NCR1: variants seen among roughly 807,000 people sequenced by gnomAD.
The protein encoded by NCR1 is NK cell-activating receptor.
A neutral mutation model predicts 32.5 loss-of-function variants in NCR1; 30 were observed. That is an observed-to-expected ratio of 0.92 (90% CI 0.69 to 1.25). NCR1 has a LOEUF of 1.25. Among genes scored for constraint, NCR1 ranks in the 50% most tolerant of loss-of-function variants. The pLI, the probability that NCR1 is intolerant of heterozygous loss-of-function variation, is 0.00. For synonymous variants in NCR1, 169 were observed against 143.4 expected, an observed-to-expected ratio of 1.18 and a Z score of -1.28; for missense variants, 369 against 380.7, an observed-to-expected ratio of 0.97 and a Z score of 0.26.
the NCR1 span, among the ~76,000 whole-genome samples, chr19:54,923,173 C>T: frequency 1.1e-3 from 173 of 152,308 alleles, no homozygotes; most frequent in Admixed American, 4.8e-3. Context: ...TCCGCAGGTG[C>T]CAGCCAGGCC....
chr19:54,908,690 C>T (rs1332292876), intron 3 of NCR1, among the ~76,000 whole-genome samples: 8 of 144,618 alleles, frequency 5.5e-5, no homozygotes, highest in African/African-American at 1.3e-4. Flanking sequence ...CGCTGCAGTG[C>T]AGTGGTACAA....
chr19:54,908,389 T>C (rs1283196514), intron 3 of NCR1, among the ~76,000 whole-genome samples: 1 of 152,102 alleles, frequency 6.6e-6, no homozygotes, highest in East Asian at 1.9e-4. Flanking sequence ...TCTACTTCTT[T>C]CTACACAGAC....
chr19:54,934,702 G>A, the NCR1 span: 114 of 1,513,920 alleles, frequency 7.5e-5, no homozygotes, highest in Non-Finnish European at 1.0e-4. The surrounding 1 kb of genome is among the most constrained non-coding windows in gnomAD (Gnocchi z 6.7). Flanking sequence ...GGAGGACAGA[G>A]TATACCCTAT....
chr19:54,929,457 T>C, the NCR1 span, among the ~76,000 whole-genome samples: 1 of 152,192 alleles, frequency 6.6e-6, no homozygotes, highest in South Asian at 2.1e-4. Context: ...CTCTTTGCAT[T>C]AGGATTGCAG....
downstream of NCR1, among the ~76,000 whole-genome samples, chr19:54,919,714 ACCCC>A (rs58529355): frequency 4.0e-5 from 4 of 100,016 alleles, no homozygotes; most frequent in Admixed American, 4.6e-4. Flanking sequence ...GGAAAGGGAG[ACCCC>A]CCCCCCCACC....
At chr19:54,903,297 T>C (rs587703750), upstream of NCR1, among the ~76,000 whole-genome samples, 2 of 145,146 alleles carry the variant, frequency 1.4e-5, no homozygotes, top group East Asian at 4.0e-4. Flanking sequence ...TATATACACA[T>C]ATACGTATAT....
chr19:54,936,340 G>A, the NCR1 span: 8 of 1,613,920 alleles, frequency 5.0e-6, no homozygotes, highest in Non-Finnish European at 6.8e-6. Context: ...CACTCGATGT[G>A]CCCTGCCAGG....
At chr19:54,911,860 G>A (rs2067992764) in intron 5 of NCR1, among the ~76,000 whole-genome samples, 1 of 151,986 alleles carries the variant, frequency 6.6e-6, no homozygotes, top group Admixed American at 6.6e-5. Flanking sequence ...CTGGGTATGT[G>A]GTGTGTGCCT....
At chr19:54,923,524 CTAACTT>C in the NCR1 span, 1 of 617,464 alleles carries the variant, frequency 1.6e-6, no homozygotes, top group Non-Finnish European at 2.9e-6. Context: ...CGAGAGTGCT[CTAACTT>C]TATTATCCCT....
chr19:54,903,508 A>G (rs186810270), upstream of NCR1, among the ~76,000 whole-genome samples: 3 of 137,598 alleles, frequency 2.2e-5, no homozygotes, highest in East Asian at 2.1e-4. Context: ...GTATGTATAC[A>G]CGCATACATG....
chr19:54,923,024 A>G, the NCR1 span, among the ~76,000 whole-genome samples: 2 of 152,012 alleles, frequency 1.3e-5, no homozygotes, highest in Admixed American at 1.3e-4. Flanking sequence ...GGCCCGTGGG[A>G]GCCGAGCAGA....
the NCR1 span, among the ~76,000 whole-genome samples, chr19:54,932,695 G>A: frequency 3.3e-5 from 5 of 151,706 alleles, no homozygotes; most frequent in South Asian, 2.1e-4. Context: ...TCACTCTGTC[G>A]CCCGGGCTGG....
chr19:54,901,400 C>T (rs1244272612), upstream of NCR1, among the ~76,000 whole-genome samples: 1 of 149,590 alleles, frequency 6.7e-6, no homozygotes, highest in African/African-American at 2.5e-5. Flanking sequence ...GTAATATCCT[C>T]TGTGTCACTT....
At chr19:54,917,569 C>A (rs2068161492), downstream of NCR1, among the ~76,000 whole-genome samples, 1 of 152,252 alleles carries the variant, frequency 6.6e-6, no homozygotes, top group South Asian at 2.1e-4. Context: ...GATCCGCCCA[C>A]CTTGGCCTCC....
At chr19:54,898,337 T>C in the NCR1 span, among the ~76,000 whole-genome samples, 1 of 152,256 alleles carries the variant, frequency 6.6e-6, no homozygotes, top group Admixed American at 6.5e-5. Context: ...AGATTTCCAG[T>C]ACTTGTAGCA....
chr19:54,934,137 T>C, the NCR1 span, among the ~76,000 whole-genome samples: 16 of 152,172 alleles, frequency 1.1e-4, no homozygotes, highest in Non-Finnish European at 2.4e-4. The surrounding 1 kb of genome is among the most constrained non-coding windows in gnomAD (Gnocchi z 6.7). Flanking sequence ...GAGACGGGGT[T>C]TCACCATGTT....
chr19:54,928,943 C>T, the NCR1 span, among the ~76,000 whole-genome samples: 1 of 152,010 alleles, frequency 6.6e-6, no homozygotes, highest in Non-Finnish European at 1.5e-5. Flanking sequence ...TCTAGGATTA[C>T]AGTCATAGCT....
chr19:54,936,426 T>C, the NCR1 span: 1 of 1,613,938 alleles, frequency 6.2e-7, no homozygotes, highest in South Asian at 1.1e-5. Flanking sequence ...GGTGACGTTT[T>C]TAATCCTAGG....
At chr19:54,929,565 G>C in the NCR1 span, among the ~76,000 whole-genome samples, 1 of 152,076 alleles carries the variant, frequency 6.6e-6, no homozygotes, top group African/African-American at 2.4e-5. Flanking sequence ...TGGAGACTTT[G>C]CATTTTCTGG....
Sources: gnomAD v4.1 joint callset for allele counts (sites outside exome capture counted in the v4.1 genomes callset) on GRCh38, gnomAD v4.1.1 for gene constraint, Gnocchi (gnomAD v3.1) non-coding constraint, MANE v1.5 for transcripts, NCBI Gene and HGNC (gene_info 2026-07-23, HGNC 2026-07-21) for gene names.